Variants in APOO observed in about 807,000 individuals in gnomAD.
APOO encodes the protein apolipoprotein O.
APOO carries 11 observed loss-of-function variants against 23.1 expected under a neutral mutation model. The observed-to-expected ratio is 0.48, with a 90% CI of 0.30 to 0.79. APOO has a LOEUF of 0.79. APOO is among the 30% of genes least tolerant of loss of function. APOO has a pLI of 0.07. For synonymous variants in APOO, 59 were observed against 54.8 expected (o/e 1.08, Z -0.34); for missense variants, 160 against 142.7 (o/e 1.12, Z -0.62).
In APOO at chrX:23,869,775, C is replaced by T. The variant is rs187636804; in HGVS notation, c.293-1087G>A. Among the ~76,000 whole-genome samples the T allele has an allele frequency of 6.0e-4, 65 of 107,730 alleles. 1 individual carries two copies. Among genetic ancestry groups the T allele is most frequent in the Admixed American group, 5.8e-3 (58 of 9,939 alleles). The allele number at this position is 107,730 out of a possible 115,157, so 93.6% of individuals were successfully genotyped here. On this transcript the variant is annotated intron_variant, in intron 4 of 8. Coordinates refer to ENST00000379226, the MANE Select transcript of APOO (RefSeq NM_024122.5). The stretch of plus-strand genomic sequence containing the variant: ...GACCAGCCTGACCAACATGGTAAAA[C>T]CCCATCTCTACTAAAAATACAAAAA...
intron 5 of APOO, among the ~76,000 whole-genome samples, chrX:23,864,028 T>C (rs188734978): frequency 9.4e-6 from 1 of 106,772 alleles, no homozygotes; most frequent in Non-Finnish European, 1.9e-5. Flanking sequence ...GGAGTTTTGC[T>C]CTTGCTGCCC....
intron 1 of APOO, among the ~76,000 whole-genome samples, chrX:23,894,083 C>T (rs1490179359): frequency 3.6e-5 from 4 of 110,651 alleles, no homozygotes; most frequent in Admixed American, 2.9e-4. Flanking sequence ...TATATGGAGT[C>T]GGAATTTACT....
At chrX:23,837,958 C>CCTATCTATCTATCTAT (rs76055034) in intron 8 of APOO, among the ~76,000 whole-genome samples, 24 of 94,981 alleles carry the variant, frequency 2.5e-4, no homozygotes, top group South Asian at 1.1e-3. Context: ...CTGCACCCGG[C>CCTATCTATCTATCTAT]CTATCTATCT....
intron 5 of APOO, among the ~76,000 whole-genome samples, chrX:23,863,384 G>C (rs1368116343): frequency 9.0e-6 from 1 of 110,648 alleles, no homozygotes; most frequent in Non-Finnish European, 1.9e-5. Context: ...AAGAAATTCA[G>C]AACACTAAAG....
At chrX:23,875,244 A>T (rs1036743293) in intron 3 of APOO, among the ~76,000 whole-genome samples, 6 of 107,612 alleles carry the variant, frequency 5.6e-5, no homozygotes, top group Non-Finnish European at 1.2e-4. Flanking sequence ...TCAAAAAAAA[A>T]AAAGGCTTTG....
chrX:23,834,427 C>T (rs1923558382), intron 8 of APOO, among the ~76,000 whole-genome samples: 1 of 106,981 alleles, frequency 9.3e-6, no homozygotes, highest in Admixed American at 1.0e-4. Flanking sequence ...ATTTTGTGTT[C>T]CATCAACATT....
chrX:23,870,375 C>A (rs1339143664), intron 4 of APOO, among the ~76,000 whole-genome samples: 1 of 111,769 alleles, frequency 8.9e-6, no homozygotes, highest in African/African-American at 3.3e-5. Flanking sequence ...TTTAATTATT[C>A]AGGTGTATAT....
At chrX:23,879,868 C>G (rs1425923150) in intron 2 of APOO, among the ~76,000 whole-genome samples, 1 of 111,091 alleles carries the variant, frequency 9.0e-6, no homozygotes, top group Non-Finnish European at 1.9e-5. Context: ...GTGCCAAGGC[C>G]TGAGAAGCGA....
intron 7 of APOO, among the ~76,000 whole-genome samples, chrX:23,849,077 T>C (rs1924397177): frequency 9.2e-6 from 1 of 109,228 alleles, no homozygotes; most frequent in Non-Finnish European, 1.9e-5. Flanking sequence ...CAGGATGGTC[T>C]CAATCTCCTG....
At chrX:23,845,680 G>A (rs981064602) in intron 7 of APOO, among the ~76,000 whole-genome samples, 5 of 112,421 alleles carry the variant, frequency 4.4e-5, no homozygotes, top group Admixed American at 3.8e-4. Flanking sequence ...ACTTTGCCAT[G>A]TTTAGAGAGC....
At chrX:23,836,605 G>A (rs981990843) in intron 8 of APOO, 28 of 689,665 alleles carry the variant, frequency 4.1e-5, no homozygotes, top group East Asian at 1.4e-4. Context: ...GAGCCACCAC[G>A]CCCAGCCCCA....
intron 6 of APOO, among the ~76,000 whole-genome samples, chrX:23,858,273 T>C (rs1924863629): frequency 9.0e-6 from 1 of 111,346 alleles, no homozygotes; most frequent in African/African-American, 3.3e-5. Flanking sequence ...GGGTCTACAA[T>C]ACCAACGAGA....
In APOO at chrX:23,907,852, G is replaced by C. The variant is rs1927445248; in HGVS notation, c.-150C>G. On this transcript the variant is annotated 5_prime_UTR_variant, in exon 1 of 9. Transcript: ENST00000379226. The stretch of plus-strand genomic sequence containing the variant: ...GACGGCCGTACTGCAAACTCGGTGC[G>C]GCGAAGGTTTAGTTCAATCACCCGG... 8.2e-6 allele frequency: 5 copies of C among 612,401 alleles called. No homozygotes were observed. The highest frequency in any genetic ancestry group is 1.2e-5 in the Non-Finnish European group (5 of 430,043). 50.5% of individuals were successfully genotyped at this position (612,401 alleles called of 1,213,427 possible). A position where few individuals can be genotyped will look rare whatever the true frequency, so the allele number is the denominator to read the frequency against.
chrX:23,843,821 T>G (rs1174554415), intron 7 of APOO, among the ~76,000 whole-genome samples: 2 of 111,321 alleles, frequency 1.8e-5, no homozygotes. Flanking sequence ...CGACCACAGG[T>G]GATTTGCCTG....
chrX:23,872,521 T>TTATACATA (rs1925664938), intron 4 of APOO, among the ~76,000 whole-genome samples: 1 of 93,256 alleles, frequency 1.1e-5, no homozygotes, highest in African/African-American at 4.0e-5. Context: ...TTATGAGAAT[T>TTATACATA]TATATATATA....
chrX:23,866,865 C>T (rs765463430), intron 5 of APOO, among the ~76,000 whole-genome samples: 4 of 109,092 alleles, frequency 3.7e-5, no homozygotes, highest in South Asian at 4.1e-4. Flanking sequence ...TTTGGGACAC[C>T]GAGGCAGGCC....
intron 1 of APOO, among the ~76,000 whole-genome samples, chrX:23,881,563 TAAAAAAAAAA>T (rs60466764): frequency 2.2e-4 from 2 of 9,174 alleles, no homozygotes; most frequent in African/African-American, 5.9e-4. Flanking sequence ...ATCGCTCCAC[TAAAAAAAAAA>T]AAAAAAAAAA....
chrX:23,866,314 A>G (rs1162448993), intron 5 of APOO, among the ~76,000 whole-genome samples: 2 of 112,156 alleles, frequency 1.8e-5, no homozygotes, highest in African/African-American at 6.5e-5. Flanking sequence ...AAGTTTAGGG[A>G]AAAATGTTGG....
intron 1 of APOO, among the ~76,000 whole-genome samples, chrX:23,894,458 C>T (rs1408462770): frequency 8.9e-6 from 1 of 111,910 alleles, no homozygotes; most frequent in Admixed American, 9.5e-5. Flanking sequence ...AATCATATGG[C>T]TTCCATTTCT....
Sources: gnomAD v4.1 joint callset for allele counts (sites outside exome capture counted in the v4.1 genomes callset) on GRCh38, gnomAD v4.1.1 for gene constraint, MANE v1.5 for transcripts, NCBI Gene and HGNC (gene_info 2026-07-23, HGNC 2026-07-21) for gene names.